The following CTNNA2 variants were observed in gnomAD, a reference collection of about 807,000 sequenced individuals.
CTNNA2 encodes the protein catenin alpha-2.
A neutral mutation model predicts 101.0 loss-of-function variants in CTNNA2; 42 were observed. The observed-to-expected ratio is 0.42, with a 90% CI of 0.32 to 0.54. The LOEUF is 0.54. Among genes scored for constraint, CTNNA2 ranks in the 20% least tolerant of loss-of-function variants. The pLI is 0.14. For synonymous variants in CTNNA2, 450 were observed against 456.4 expected, an observed-to-expected ratio of 0.99 and a Z score of 0.18; for missense variants, 871 against 1,223.1, an observed-to-expected ratio of 0.71 and a Z score of 4.29.
At chr2:79,423,470 G>A (rs1051367538) in intron 4 of CTNNA2, among the ~76,000 whole-genome samples, 1 of 152,012 alleles carries the variant, frequency 6.6e-6, no homozygotes, top group Non-Finnish European at 1.5e-5. Flanking sequence ...AAGTTTTGAG[G>A]TATTTATTAT....
intron 4 of CTNNA2, among the ~76,000 whole-genome samples, chr2:79,465,871 G>A (rs1357086827): frequency 6.6e-6 from 1 of 152,174 alleles, no homozygotes; most frequent in Admixed American, 6.5e-5. Flanking sequence ...TCAGCTTAAG[G>A]AGATTTTGGG....
At chr2:79,412,560 G>A (rs1171857621) in intron 4 of CTNNA2, among the ~76,000 whole-genome samples, 2 of 151,948 alleles carry the variant, frequency 1.3e-5, no homozygotes, top group Non-Finnish European at 2.9e-5. Context: ...AGACCACAGT[G>A]CAATCAAACT....
intron 4 of CTNNA2, among the ~76,000 whole-genome samples, chr2:79,489,522 G>T (rs1378322948): frequency 6.6e-6 from 1 of 152,236 alleles, no homozygotes; most frequent in Non-Finnish European, 1.5e-5. Context: ...AGGGCTTTCT[G>T]GTAAGCAGGG....
At chr2:80,526,451 G>C (rs1018975148) in intron 9 of CTNNA2, among the ~76,000 whole-genome samples, 4 of 152,098 alleles carry the variant, frequency 2.6e-5, no homozygotes, top group Non-Finnish European at 4.4e-5. Context: ...GCCCACCTCA[G>C]CCTCCCAAAG....
chr2:80,601,707 T>C (rs1371493749), intron 15 of CTNNA2: 2 of 152,082 alleles, frequency 1.3e-5, no homozygotes, highest in Non-Finnish European at 2.9e-5. Flanking sequence ...TATATCTTTT[T>C]GGTTTAGAGC....
At chr2:80,645,987 G>C (rs1674038075) in intron 18 of CTNNA2, among the ~76,000 whole-genome samples, 1 of 152,122 alleles carries the variant, frequency 6.6e-6, no homozygotes, top group Non-Finnish European at 1.5e-5. Context: ...TAAAAACACA[G>C]CGCAACATTA....
At chr2:79,475,497 G>A (rs1041079346) in intron 4 of CTNNA2, among the ~76,000 whole-genome samples, 1 of 152,088 alleles carries the variant, frequency 6.6e-6, no homozygotes, top group African/African-American at 2.4e-5. Flanking sequence ...GATTTGATTT[G>A]TGGTTTTATG....
At chr2:80,355,637 A>G (rs982013755) in intron 7 of CTNNA2, among the ~76,000 whole-genome samples, 5 of 152,178 alleles carry the variant, frequency 3.3e-5, no homozygotes, top group African/African-American at 1.2e-4. Flanking sequence ...ATCATGCCTC[A>G]GGCAGGTAAC....
At chr2:80,396,813 A>G (rs1678058396) in intron 8 of CTNNA2, among the ~76,000 whole-genome samples, 1 of 152,218 alleles carries the variant, frequency 6.6e-6, no homozygotes, top group Admixed American at 6.5e-5. Context: ...CAAACAAATC[A>G]AAGGCCTAAT....
At chr2:79,575,509 G>A (rs972663572) in intron 1 of CTNNA2, 9 of 152,058 alleles carry the variant, frequency 5.9e-5, no homozygotes, top group South Asian at 2.1e-4. Context: ...GGTGAAATTC[G>A]TCATGTGTGC....
At chr2:79,830,074 T>A (rs1450503876) in intron 3 of CTNNA2, among the ~76,000 whole-genome samples, 1 of 152,132 alleles carries the variant, frequency 6.6e-6, no homozygotes, top group Non-Finnish European at 1.5e-5. Context: ...ACCTGGAGAC[T>A]GAGAGAGACG....
chr2:80,594,397 T>C (rs1696768899), intron 15 of CTNNA2, among the ~76,000 whole-genome samples: 1 of 152,058 alleles, frequency 6.6e-6, no homozygotes, highest in South Asian at 2.1e-4. Context: ...GATATTAATT[T>C]CTTATCAGGA....
intron 2 of CTNNA2, among the ~76,000 whole-genome samples, chr2:79,212,981 G>A (rs1156539977): frequency 2.6e-5 from 4 of 152,152 alleles, no homozygotes; most frequent in Non-Finnish European, 2.9e-5. Flanking sequence ...ATGGGCTAGT[G>A]GCTTGTAACC....
At chr2:80,193,570 A>G (rs1380703028) in intron 7 of CTNNA2, among the ~76,000 whole-genome samples, 1 of 152,208 alleles carries the variant, frequency 6.6e-6, no homozygotes, top group East Asian at 1.9e-4. Flanking sequence ...GATGGGATTC[A>G]TAGATTTTCT....
At chr2:79,965,881 A>C (rs1690021853) in intron 7 of CTNNA2, among the ~76,000 whole-genome samples, 1 of 151,626 alleles carries the variant, frequency 6.6e-6, no homozygotes, top group Non-Finnish European at 1.5e-5. Context: ...AAGAAAAAGA[A>C]AAAGACAAAG....
At chr2:79,794,832 T>TC (rs1675571595) in intron 3 of CTNNA2, among the ~76,000 whole-genome samples, 1 of 152,220 alleles carries the variant, frequency 6.6e-6, no homozygotes, top group Non-Finnish European at 1.5e-5. Context: ...CATATTGTCT[T>TC]CAGCATCTTA....
At chr2:80,227,290 C>T (rs1221177667) in intron 7 of CTNNA2, among the ~76,000 whole-genome samples, 1 of 152,072 alleles carries the variant, frequency 6.6e-6, no homozygotes, top group African/African-American at 2.4e-5. Context: ...TTTTTGAATA[C>T]TTACCAAGTG....
chr2:79,747,261 G>A (rs1001284053), intron 3 of CTNNA2, among the ~76,000 whole-genome samples: 2 of 152,222 alleles, frequency 1.3e-5, no homozygotes, highest in Admixed American at 1.3e-4. Flanking sequence ...AGGTGCATTC[G>A]AAAACTGATA....
chr2:80,393,296 T>C lies in CTNNA2; in HGVS notation c.1137+5T>C. 1 of 1,590,552 alleles carries C rather than the reference T, an allele frequency of 6.3e-7. No individual in the cohort carries two copies. Among genetic ancestry groups the C allele is most frequent in the Non-Finnish European group, 8.6e-7 (1 of 1,163,726 alleles). Reference sequence around the variant, plus strand: ...ACAAGAGATCTAAGGAGACAGGTACTATTTTTTATTTTTACTTTAAGTCCA... The same window carrying C: ...ACAAGAGATCTAAGGAGACAGGTACCATTTTTTATTTTTACTTTAAGTCCA... On this transcript the variant is annotated splice_donor_5th_base_variant and intron_variant, in intron 8 of 18. Transcript: ENST00000402739.
Sources: gnomAD v4.1 joint callset for allele counts (sites outside exome capture counted in the v4.1 genomes callset) on GRCh38, gnomAD v4.1.1 for gene constraint, MANE v1.5 for transcripts, NCBI Gene and HGNC (gene_info 2026-07-23, HGNC 2026-07-21) for gene names.